Variants in SRPRB observed in about 807,000 individuals in gnomAD.
SRPRB encodes the protein signal recognition particle receptor subunit beta.
SRPRB carries 20 observed loss-of-function variants against 31.9 expected under a neutral mutation model. The observed-to-expected ratio is 0.63, with a 90% confidence interval of 0.44 to 0.91. The LOEUF is 0.91. Ranked by LOEUF, SRPRB falls within the 40% of genes least tolerant of loss-of-function variation. The pLI, the probability that SRPRB is intolerant of heterozygous loss-of-function variation, is 0.00. For synonymous variants in SRPRB, 146 were observed against 132.8 expected (o/e 1.10, Z -0.68); for missense variants, 321 against 324.9 (o/e 0.99, Z 0.09).
downstream of SRPRB, chr3:133,828,521 T>A (rs963708664): frequency 7.7e-5 from 37 of 482,192 alleles, no homozygotes; most frequent in South Asian, 7.0e-4. Context: ...AAATTTTTTT[T>A]AAATTTTAAC....
rs767461014 is a variant in SRPRB, at chr3:133,816,951, T to C, written c.602+19T>C. ...AAGAACTGTAAGTGTGAAAGAGGCC[T>C]GTTGGTTAATTATATATCTTAACAC... On this transcript the variant is annotated intron_variant, in intron 6 of 6. Coordinates refer to ENST00000678299, the MANE Select transcript of SRPRB (RefSeq NM_001379313.1). The C allele has an allele frequency of 6.2e-7, 1 of 1,603,526 alleles. No homozygotes were observed. Among genetic ancestry groups the C allele is most frequent in the Non-Finnish European group, 8.5e-7 (1 of 1,174,648 alleles).
rs368545933 is a variant in SRPRB at position 133,805,893 on chromosome 3, C to T, written c.45C>T (p.Ala15=). 6 of 1,613,154 alleles carry T rather than the reference C, an allele frequency of 3.7e-6. No homozygotes were observed. The African/African-American group carries it at 6.7e-5, about 18-fold the overall frequency. The change falls in exon 1 of 7, where the codon GCC becomes GCT. Residue 15 remains alanine (A), a synonymous_variant. Transcript: ENST00000678299. ...DSRRVADGGG[A]GGTFQPYLDT... is the part of the protein sequence containing the mutation. ...GCCGGGTGGCAGATGGCGGCGGTGC[C>T]GGGGGCACCTTCCAGCCCTACCTAG...
downstream of SRPRB, chr3:133,827,746 ACCC>A (rs55951806): frequency 0.12 from 9,017 of 73,154 alleles, 527 homozygotes; most frequent in East Asian, 0.22. Flanking sequence ...TGCAGACAAC[ACCC>A]CCCCCCCCCC....
chr3:133,796,703 G>A (rs1055007699), intron 1 of SRPRB: 8 of 152,120 alleles, frequency 5.3e-5, no homozygotes, highest in African/African-American at 1.9e-4. Context: ...CAAGAACCTG[G>A]ACACCCTCCA....
downstream of SRPRB, chr3:133,821,642 A>C (rs1239023644): frequency 6.6e-6 from 1 of 152,244 alleles, no homozygotes; most frequent in African/African-American, 2.4e-5. Context: ...GGATAATTCT[A>C]TCTGGAACAC....
intron 1 of SRPRB, chr3:133,795,665 T>A (rs1934949033): frequency 6.8e-6 from 1 of 146,164 alleles, no homozygotes; most frequent in Non-Finnish European, 1.5e-5. Context: ...AAGCTCCACT[T>A]CCCGGGTTCA....
At chr3:133,788,147 C>T (rs887048792) in intron 1 of SRPRB, 6 of 152,282 alleles carry the variant, frequency 3.9e-5, no homozygotes, top group African/African-American at 1.4e-4. Flanking sequence ...TGCAGACTTC[C>T]TAGAAATAAA....
Position 133,800,256 on chromosome 3 carries a change from A to T in SRPRB, c.-173-5420A>T, listed in dbSNP as rs115905807. 6.3e-3 allele frequency among the ~76,000 whole-genome samples: 954 copies of T among 152,370 alleles called. 7 individuals carry two copies. Among genetic ancestry groups the T allele is most frequent in the Non-Finnish European group, 0.01 (684 of 68,028 alleles). On this transcript the variant is annotated intron_variant, in intron 1 of 7. Transcript: ENST00000466490. ...AATAAGTGCAAACTGGGTGCCTGCT[A>T]AGAGCCAGCAGTTTTGGTATAGAGC...
downstream of SRPRB, chr3:133,828,485 G>T: frequency 2.3e-6 from 1 of 434,732 alleles, no homozygotes. Context: ...ATTTTTATCT[G>T]GCAAAAAATT....
chr3:133,789,066 C>G (rs1027950172), intron 1 of SRPRB: 1 of 152,298 alleles, frequency 6.6e-6, no homozygotes, highest in Admixed American at 6.5e-5. Context: ...CACGTAAGGT[C>G]AGAGATGCCT....
chr3:133,806,087 G>T lies in SRPRB; in HGVS notation c.154+85G>T. ...GCACCGCTGCAGGCCGGGGACGCGGGGCTGAGAGGGCGCCTTGAGGGCATC... is the reference window on the plus strand; with the variant it reads ...GCACCGCTGCAGGCCGGGGACGCGGTGCTGAGAGGGCGCCTTGAGGGCATC... On this transcript the variant is annotated intron_variant, in intron 1 of 6. Transcript: ENST00000678299. The T allele has an allele frequency of 2.6e-6, 4 of 1,520,950 alleles. No individual in the cohort carries two copies. The Admixed American group carries it at 8.2e-5, about 31-fold the overall frequency. The allele number at this position is 1,520,950 out of a possible 1,614,324, so 94.2% of individuals were successfully genotyped here.
intron 5 of SRPRB, 62 bp from the exon 6 acceptor site, chr3:133,816,816 G>C: frequency 7.4e-7 from 1 of 1,351,768 alleles, no homozygotes; most frequent in African/African-American, 1.5e-5. Context: ...TTCTGTGTAA[G>C]AAGTCTTGGG....
At chr3:133,815,504 C>A in intron 4 of SRPRB, 86 bp from the exon 5 acceptor site, 1 of 1,532,666 alleles carries the variant, frequency 6.5e-7, no homozygotes, top group Non-Finnish European at 9.0e-7. Flanking sequence ...CCAAGATTGA[C>A]TTTGAAGAAG....
At chr3:133,810,032 A>G (rs927739662) in intron 3 of SRPRB, among the ~76,000 whole-genome samples, 6 of 152,092 alleles carry the variant, frequency 3.9e-5, no homozygotes, top group African/African-American at 1.4e-4. Flanking sequence ...TTTTCGATCT[A>G]ATCTCTTTAG....
chr3:133,821,879 T>A (rs180889720), downstream of SRPRB, among the ~76,000 whole-genome samples: 86 of 152,312 alleles, frequency 5.6e-4, no homozygotes, highest in African/African-American at 1.8e-3. Flanking sequence ...GCACACACCC[T>A]GCTGAGTTTT....
At chr3:133,827,813 C>CA (rs1392747841), downstream of SRPRB, 7 of 423,062 alleles carry the variant, frequency 1.7e-5, no homozygotes, top group Non-Finnish European at 2.3e-5. Context: ...CCCTGACATC[C>CA]AGGAGGAAGG....
intron 1 of SRPRB, among the ~76,000 whole-genome samples, chr3:133,797,885 G>T (rs1935001991): frequency 6.6e-6 from 1 of 152,052 alleles, no homozygotes; most frequent in Non-Finnish European, 1.5e-5. Flanking sequence ...TCCACCCCTT[G>T]GAGCTAGACA....
intron 1 of SRPRB, chr3:133,795,506 C>T (rs1934943934): frequency 1.3e-5 from 2 of 150,818 alleles, no homozygotes; most frequent in South Asian, 4.2e-4. Flanking sequence ...GAGAGTGGTG[C>T]TAAGTAAGGC....
upstream of SRPRB, among the ~76,000 whole-genome samples, chr3:133,801,680 G>C (rs1935064870): frequency 6.6e-6 from 1 of 152,098 alleles, no homozygotes; most frequent in Non-Finnish European, 1.5e-5. Flanking sequence ...GTAATATCCA[G>C]TGATTTTTCT....
Sources: allele counts gnomAD v4.1 joint callset (sites outside exome capture counted in the v4.1 genomes callset), GRCh38; gene constraint gnomAD v4.1.1; transcripts MANE v1.5; gene names NCBI Gene and HGNC (gene_info 2026-07-23, HGNC 2026-07-21).